The following MOXD1 variants were observed in gnomAD, a reference collection of about 807,000 sequenced individuals.
The protein encoded by MOXD1 is monooxygenase DBH like 1, also known as DBH-like monooxygenase protein 1.
A neutral mutation model predicts 66.6 loss-of-function variants in MOXD1; 62 were observed. The ratio of observed to expected loss-of-function variants is 0.93; its 90% CI spans 0.76 to 1.15. MOXD1 has a LOEUF of 1.15. Ranked by LOEUF, MOXD1 falls within the 50% of genes most tolerant of loss-of-function variation. The pLI is 0.00. For synonymous variants in MOXD1, 303 were observed against 281.9 expected (o/e 1.07, Z -0.75); for missense variants, 847 against 754.6 (o/e 1.12, Z -1.44).
intron 1 of MOXD1, among the ~76,000 whole-genome samples, chr6:132,397,686 GAAAGAAAGAA>G (rs1342804522): frequency 8.4e-5 from 11 of 131,122 alleles, no homozygotes; most frequent in African/African-American, 2.3e-4. Flanking sequence ...AAGAAAGAAA[GAAAGAAAGAA>G]AGAAAAAGAA....
chr6:132,342,386 T>A (rs765077983), intron 4 of MOXD1, among the ~76,000 whole-genome samples: 2 of 152,270 alleles, frequency 1.3e-5, no homozygotes, highest in Non-Finnish European at 2.9e-5. Context: ...AAAACTATAC[T>A]CAGTTCTGTA....
At chr6:132,399,814 T>C (rs977533024) in intron 1 of MOXD1, among the ~76,000 whole-genome samples, 7 of 152,324 alleles carry the variant, frequency 4.6e-5, no homozygotes, top group African/African-American at 1.7e-4. Flanking sequence ...AAATAAGGTA[T>C]TGTCTACTTT....
chr6:132,343,241 A>T (rs950879552), intron 4 of MOXD1, among the ~76,000 whole-genome samples: 7 of 152,228 alleles, frequency 4.6e-5, no homozygotes, highest in African/African-American at 1.7e-4. Flanking sequence ...AAACAAGTCA[A>T]AAAACAAAAT....
intron 4 of MOXD1, among the ~76,000 whole-genome samples, chr6:132,336,277 T>A (rs1775436733): frequency 6.6e-6 from 1 of 152,232 alleles, no homozygotes; most frequent in Admixed American, 6.5e-5. Context: ...CATACCCACC[T>A]GAGGCACAAG....
At chr6:132,344,446 G>T (rs2114613296) in intron 4 of MOXD1, among the ~76,000 whole-genome samples, 1 of 152,308 alleles carries the variant, frequency 6.6e-6, no homozygotes, top group South Asian at 2.1e-4. Context: ...GCGGCAGGAG[G>T]CAGACAAATT....
In MOXD1 at chr6:132,304,224, T is replaced by A. The variant is rs570331873; in HGVS notation, c.1509-6269A>T. ...TTGAGGGAACCTTCCAATTGTACCT[T>A]CTACTTGTGAGAACACAGCAAGAAG... On this transcript the variant is annotated intron_variant, in intron 10 of 11. Transcript: ENST00000367963. 6.0e-4 allele frequency among the ~76,000 whole-genome samples: 92 copies of A among 152,140 alleles called. No homozygotes were observed. The Middle Eastern group carries it at 0.014, about 23-fold the overall frequency.
intron 1 of MOXD1, among the ~76,000 whole-genome samples, chr6:132,381,395 A>G (rs1776505462): frequency 6.6e-6 from 1 of 152,204 alleles, no homozygotes; most frequent in South Asian, 2.1e-4. Flanking sequence ...ATTATACAAC[A>G]GAAGTGGCAT....
At chr6:132,386,304 A>C (rs9375881) in intron 1 of MOXD1, among the ~76,000 whole-genome samples, 32 of 121,006 alleles carry the variant, frequency 2.6e-4, no homozygotes, top group East Asian at 1.8e-3. Flanking sequence ...TGGGAGGCTG[A>C]GGCAGGAGAA....
At chr6:132,372,545 A>G in intron 4 of MOXD1, 63 bp downstream of exon 4, 1 of 1,375,544 alleles carries the variant, frequency 7.3e-7, no homozygotes, top group South Asian at 1.2e-5. Context: ...TTTTCATTAT[A>G]TTAACATCAA....
At chr6:132,306,833 G>A (rs2114537539) in intron 10 of MOXD1, among the ~76,000 whole-genome samples, 1 of 152,278 alleles carries the variant, frequency 6.6e-6, no homozygotes, top group Admixed American at 6.5e-5. Context: ...GATACTACCA[G>A]GCCTGCCCTG....
At chr6:132,383,806 G>T (rs921402533) in intron 1 of MOXD1, among the ~76,000 whole-genome samples, 1 of 152,026 alleles carries the variant, frequency 6.6e-6, no homozygotes, top group Non-Finnish European at 1.5e-5. Flanking sequence ...GCAGTGGCTC[G>T]CACCTGTAAT....
In MOXD1 at chr6:132,378,875, C is replaced by CTTTTTTTTTT. The variant is rs3038136; in HGVS notation, c.265-4108_265-4099dup. 1.1e-3 allele frequency among the ~76,000 whole-genome samples: 46 copies of CTTTTTTTTTT among 41,916 alleles called. 19 individuals carry two copies. The highest frequency in any genetic ancestry group is 2.2e-3 in the Non-Finnish European group (34 of 15,744). 27.5% of individuals were successfully genotyped at this position (41,916 alleles called of 152,430 possible). A position where few individuals can be genotyped will look rare whatever the true frequency, so the allele number is the denominator to read the frequency against. ...AATGAAAGAGGACAGAACACTTCCT[C>CTTTTTTTTTT]TTTTTTTTTTTTTTTTTTTTTTTTT... On this transcript the variant is annotated intron_variant, in intron 1 of 11. Coordinates refer to ENST00000367963, the MANE Select transcript of MOXD1 (RefSeq NM_015529.4).
chr6:132,357,808 AG>A lies in MOXD1; in HGVS notation c.663+14799del, dbSNP rs560625738. ...TTTTATATTTCATATTTTGAAGGAG[AG>A]ATAGAGATAAGTAATAAAAATTTAT... On this transcript the variant is annotated intron_variant, in intron 4 of 11. Transcript: ENST00000367963. 9.9e-5 allele frequency among the ~76,000 whole-genome samples: 15 copies of A among 152,140 alleles called. No individual in the cohort carries two copies. The East Asian group carries it at 2.9e-3, about 29-fold the overall frequency.
At chr6:132,363,017 T>C (rs926919116) in intron 4 of MOXD1, among the ~76,000 whole-genome samples, 1 of 152,182 alleles carries the variant, frequency 6.6e-6, no homozygotes, top group African/African-American at 2.4e-5. Flanking sequence ...TGTACTCATA[T>C]GTGACTAGAT....
chr6:132,377,036 C>T (rs1776405278), intron 1 of MOXD1, among the ~76,000 whole-genome samples: 1 of 152,196 alleles, frequency 6.6e-6, no homozygotes, highest in East Asian at 1.9e-4. Flanking sequence ...GATCCTTTTT[C>T]ACTCTTCTAC....
intron 4 of MOXD1, among the ~76,000 whole-genome samples, chr6:132,360,531 A>G (rs1216980879): frequency 6.6e-6 from 1 of 151,876 alleles, no homozygotes; most frequent in African/African-American, 2.4e-5. Flanking sequence ...AAATTCATCT[A>G]CTCTGTGCTT....
chr6:132,311,275 T>G (rs549591733), intron 10 of MOXD1, among the ~76,000 whole-genome samples: 1 of 152,274 alleles, frequency 6.6e-6, no homozygotes, highest in Non-Finnish European at 1.5e-5. Flanking sequence ...TGACTCAAAT[T>G]TAAAAACTCA....
At chr6:132,352,635 T>C (rs1303961647) in intron 4 of MOXD1, among the ~76,000 whole-genome samples, 2 of 152,216 alleles carry the variant, frequency 1.3e-5, no homozygotes, top group East Asian at 3.8e-4. Flanking sequence ...GTTCTGTATA[T>C]ATCTGTTAAG....
rs1586043660 is a variant in MOXD1 at position 132,296,339 on chromosome 6, G to T, written c.*814C>A. ...GGACTGGCTCACACGGCCTGTCTTTGATCTGGAACCTCATATAAGTCACCT... is the reference window on the plus strand; with the variant it reads ...GGACTGGCTCACACGGCCTGTCTTTTATCTGGAACCTCATATAAGTCACCT... On this transcript the variant is annotated 3_prime_UTR_variant, in exon 12 of 12. Transcript: ENST00000367963. 6.6e-6 allele frequency: 1 copy of T among 152,220 alleles called. No individual in the cohort carries two copies. The highest frequency in any genetic ancestry group is 1.5e-5 in the Non-Finnish European group (1 of 68,100). 9.4% of individuals were successfully genotyped at this position (152,220 alleles called of 1,614,324 possible).
Sources: gnomAD v4.1 joint callset for allele counts (sites outside exome capture counted in the v4.1 genomes callset) on GRCh38, gnomAD v4.1.1 for gene constraint, MANE v1.5 for transcripts, NCBI Gene and HGNC (gene_info 2026-07-23, HGNC 2026-07-21) for gene names.